USP20: variants seen among roughly 807,000 people sequenced by gnomAD.
USP20 encodes ubiquitin carboxyl-terminal hydrolase 20.
A neutral mutation model predicts 124.2 loss-of-function variants in USP20; 80 were observed. The observed-to-expected ratio is 0.64, with a 90% CI of 0.54 to 0.78. The LOEUF is 0.78. Among genes scored for constraint, USP20 ranks in the 30% least tolerant of loss-of-function variants. The probability of loss-of-function intolerance (pLI) is 0.00; values close to 1 mark genes in which losing one functional copy is unlikely to be tolerated. For synonymous variants in USP20, 481 were observed against 512.3 expected (o/e 0.94, Z 0.83); for missense variants, 1,043 against 1,244.4 (o/e 0.84, Z 2.44).
intron 15 of USP20, among the ~76,000 whole-genome samples, chr9:129,872,898 C>T (rs796734335): frequency 2.0e-5 from 3 of 152,090 alleles, no homozygotes; most frequent in African/African-American, 7.2e-5. Flanking sequence ...ACTTCCCACC[C>T]CACCTCCATT....
chr9:129,868,218 G>A lies in USP20; in HGVS notation c.904G>A (p.Gly302Arg), dbSNP rs376684663. The change falls in exon 11 of 26, where the codon GGG (glycine) becomes AGG (arginine). Residue 302 changes from glycine (G) to arginine (R), a missense_variant. Gly to Arg is a moderately radical substitution (Grantham distance 125, BLOSUM62 -2). Transcript: ENST00000372429. ...RGEGDGQGRG[G>R]GSSQAETELL... is the part of the protein sequence containing the mutation. The stretch of plus-strand genomic sequence containing the variant: ...TGAGGGTGACGGGCAGGGGCGTGGC[G>A]GGGGCAGCTCGCAGGCCGAGACGGA... 9.5e-5 allele frequency: 154 copies of A among 1,613,890 alleles called. No homozygotes were observed. In the South Asian group the frequency reaches 9.6e-4, roughly 10 times the overall value.
chr9:129,875,371 G>C lies in USP20; in HGVS notation c.2110G>C (p.Glu704Gln). The C allele has an allele frequency of 6.2e-7, 1 of 1,613,152 alleles. No individual in the cohort carries two copies. The highest frequency in any genetic ancestry group is 8.5e-7 in the Non-Finnish European group (1 of 1,179,854). ...QQVVSLAAMREPSLLRFYVSR... is the reference protein window; with the variant it reads ...QQVVSLAAMRQPSLLRFYVSR... ...GGTGGTGTCCCTGGCCGCCATGCGG[G>C]AGCCCAGCCTGCTGCGGTTCTACGT... Residue 704 changes from glutamate (E) to glutamine (Q), a missense_variant, in exon 20 of 26, where the codon GAG becomes CAG. Glu to Gln is a conservative substitution (Grantham distance 29). Coordinates refer to ENST00000372429, the MANE Select transcript of USP20 (RefSeq NM_001110303.4).
rs767793334 is a variant in USP20, at chr9:129,874,686, C to T, written c.1851C>T (p.Ala617=). ...LEGLDLRPFL[A]KECTSQITTY... ...GGCTCGACCTGCGCCCCTTCCTTGC[C>T]AAGGAGTGCACATCCCAGATCACCA... Residue 617 remains alanine (A), a synonymous_variant, in exon 18 of 26, where the codon GCC becomes GCT. Transcript: ENST00000372429. 1.9e-6 allele frequency: 3 copies of T among 1,613,996 alleles called. No individual in the cohort carries two copies. The highest frequency in any genetic ancestry group is 1.6e-4 in the Middle Eastern group (1 of 6,062).
chr9:129,844,089 T>C (rs979966462), intron 1 of USP20, among the ~76,000 whole-genome samples: 4 of 151,990 alleles, frequency 2.6e-5, no homozygotes, highest in Non-Finnish European at 5.9e-5. Context: ...AAGATTCATA[T>C]TCCAAAATGT....
At chr9:129,851,620 G>T (rs2131049317) in intron 2 of USP20, among the ~76,000 whole-genome samples, 1 of 152,302 alleles carries the variant, frequency 6.6e-6, no homozygotes, top group East Asian at 1.9e-4. Context: ...GTGCTCCCTT[G>T]AGGGAAGCAT....
Position 129,875,487 on chromosome 9 carries a change from G to GC in USP20, c.2218+13dup, listed in dbSNP as rs1247003166. On this transcript the variant is annotated intron_variant, in intron 20 of 25. Transcript: ENST00000372429. The stretch of plus-strand genomic sequence containing the variant: ...TCCTCTGCTCCCACGGAGGTGAGGC[G>GC]CCCCCTGTGGTGGGAGAGCAGGGTG... 6.2e-7 allele frequency: 1 copy of GC among 1,611,974 alleles called. No homozygotes were observed. Among genetic ancestry groups the GC allele is most frequent in the South Asian group, 1.1e-5 (1 of 90,920 alleles).
intron 21 of USP20, among the ~76,000 whole-genome samples, 197 bp from the exon 22 acceptor site, chr9:129,875,929 AGCCT>A (rs2034383168): frequency 1.2e-4 from 1 of 8,436 alleles, no homozygotes; most frequent in Non-Finnish European, 3.9e-4. Context: ...TCTGCTCTTC[AGCCT>A]TGAAGCAGGA....
At chr9:129,857,834 A>G (rs1041101219) in intron 4 of USP20, among the ~76,000 whole-genome samples, 1 of 152,210 alleles carries the variant, frequency 6.6e-6, no homozygotes, top group Non-Finnish European at 1.5e-5. Flanking sequence ...TCTCACTCAG[A>G]GGGCAGGGAC....
Position 129,858,476 on chromosome 9 carries a change from C to T in USP20, c.208C>T (p.His70Tyr). 1 of 1,614,138 alleles carries T rather than the reference C, an allele frequency of 6.2e-7. No individual in the cohort carries two copies. Among genetic ancestry groups the T allele is most frequent in the Non-Finnish European group, 8.5e-7 (1 of 1,180,008 alleles). The stretch of plus-strand genomic sequence containing the variant: ...GGATATCACCCTCTAGGCAAAAAAG[C>T]ACAACTTGACCGTGAACCTGACCAC... ...HSTIHAQAKK[H>Y]NLTVNLTTFR... The change falls in exon 6 of 26, where the codon CAC (histidine) becomes TAC (tyrosine). Residue 70 changes from histidine to tyrosine, a missense_variant. By Grantham distance (83) the His-to-Tyr change is moderately conservative. Transcript: ENST00000372429.
intron 1 of USP20, among the ~76,000 whole-genome samples, chr9:129,846,259 T>A (rs1288471923): frequency 1.7e-5 from 2 of 121,056 alleles, no homozygotes; most frequent in African/African-American, 3.0e-5. Flanking sequence ...TTTTTTTTTT[T>A]TTTTTTTTTT....
At chr9:129,838,337 C>T (rs932807650) in intron 1 of USP20, among the ~76,000 whole-genome samples, 8 of 152,220 alleles carry the variant, frequency 5.3e-5, no homozygotes, top group Non-Finnish European at 8.8e-5. Context: ...CCACTGTGCC[C>T]GGCTAACAAC....
intron 1 of USP20, among the ~76,000 whole-genome samples, chr9:129,844,487 G>A (rs541952057): frequency 1.9e-3 from 284 of 151,590 alleles, no homozygotes; most frequent in Middle Eastern, 0.01. Context: ...TTAGCCAGGC[G>A]TGGGAGTGTG....
intron 15 of USP20, among the ~76,000 whole-genome samples, chr9:129,872,055 G>A (rs974364193): frequency 6.6e-6 from 1 of 152,158 alleles, no homozygotes; most frequent in Non-Finnish European, 1.5e-5. Flanking sequence ...TGATAGTGAT[G>A]TTAAGTGTCT....
At chr9:129,858,891 G>A (rs953405134) in intron 6 of USP20, among the ~76,000 whole-genome samples, 5 of 152,150 alleles carry the variant, frequency 3.3e-5, no homozygotes, top group African/African-American at 9.7e-5. Flanking sequence ...GGTTGGGGTG[G>A]GCCCAGGGCC....
At chr9:129,873,289 G>A (rs1011375015) in intron 15 of USP20, among the ~76,000 whole-genome samples, 193 bp from the exon 16 acceptor site, 3 of 151,894 alleles carry the variant, frequency 2.0e-5, no homozygotes, top group Non-Finnish European at 4.4e-5. Flanking sequence ...TCGCCATGTT[G>A]GCCAGGCTGG....
intron 1 of USP20, among the ~76,000 whole-genome samples, chr9:129,844,622 T>C (rs1217385018): frequency 1.5e-5 from 1 of 65,466 alleles, no homozygotes; most frequent in South Asian, 4.7e-4. Flanking sequence ...CGACTCTGTC[T>C]CAAAAAAAAA....
chr9:129,836,418 A>G (rs1409132822), intron 1 of USP20, among the ~76,000 whole-genome samples: 1 of 152,148 alleles, frequency 6.6e-6, no homozygotes, highest in African/African-American at 2.4e-5. Flanking sequence ...TGCACGCCTC[A>G]AGTTACCCAG....
chr9:129,845,316 C>G (rs1159900982), intron 1 of USP20, among the ~76,000 whole-genome samples: 1 of 152,082 alleles, frequency 6.6e-6, no homozygotes, highest in Non-Finnish European at 1.5e-5. Context: ...TGGGGAAGAG[C>G]AACATACCTA....
intron 1 of USP20, among the ~76,000 whole-genome samples, chr9:129,846,916 C>T (rs1176483492): frequency 6.6e-6 from 1 of 152,132 alleles, no homozygotes; most frequent in Non-Finnish European, 1.5e-5. Context: ...CATGAACCAC[C>T]ATACCCAGCC....
Sources: gnomAD v4.1 joint callset for allele counts (sites outside exome capture counted in the v4.1 genomes callset) on GRCh38, gnomAD v4.1.1 for gene constraint, MANE v1.5 for transcripts, NCBI Gene and HGNC (gene_info 2026-07-23, HGNC 2026-07-21) for gene names.